SFXN5: variants seen among roughly 807,000 people sequenced by gnomAD.
SFXN5 encodes the protein sideroflexin 5.
In SFXN5, 43 loss-of-function variants were observed where a neutral mutation model predicts 50.2. The ratio of observed to expected loss-of-function variants is 0.86; its 90% CI spans 0.67 to 1.11. The LOEUF (loss-of-function observed/expected upper bound fraction) is 1.11. Among genes scored for constraint, SFXN5 ranks in the 50% least tolerant of loss-of-function variants. The pLI, the probability that SFXN5 is intolerant of heterozygous loss-of-function variation, is 0.00. For missense variants in SFXN5, 463 were observed against 454.1 expected (o/e 1.02, Z -0.18); for synonymous variants, 203 against 185.8 (o/e 1.09, Z -0.75).
intron 2 of SFXN5, among the ~76,000 whole-genome samples, chr2:73,047,415 A>G (rs1680650227): frequency 6.7e-6 from 1 of 148,966 alleles, no homozygotes; most frequent in African/African-American, 2.5e-5. Context: ...ATACATATAA[A>G]ATCTTGGTAC....
In SFXN5 at chr2:73,042,268, T is replaced by C. The variant is rs1048135143; in HGVS notation, c.172-1337A>G. On this transcript the variant is annotated intron_variant, in intron 2 of 13. Coordinates refer to ENST00000272433, the MANE Select transcript of SFXN5 (RefSeq NM_144579.3). ...AAACTGCAAATAATTCATTGTAGAA[T>C]GGATAAGTAAACAGCAATATATGCA... Among the ~76,000 whole-genome samples the C allele has an allele frequency of 4.6e-5, 7 of 152,248 alleles. No homozygotes were observed. The South Asian group carries it at 1.0e-3, about 23-fold the overall frequency.
chr2:73,054,968 CCTT>C (rs1340506996), intron 2 of SFXN5, among the ~76,000 whole-genome samples: 1 of 152,228 alleles, frequency 6.6e-6, no homozygotes, highest in Non-Finnish European at 1.5e-5. Context: ...TGCCCTTTGT[CCTT>C]CTGAGATGCA....
chr2:73,026,124 T>A (rs1677511864), intron 3 of SFXN5, among the ~76,000 whole-genome samples: 1 of 138,374 alleles, frequency 7.2e-6, no homozygotes, highest in Non-Finnish European at 1.5e-5. Flanking sequence ...GCTGTGTGGC[T>A]GCTTTTTTTT....
chr2:73,017,760 T>C (rs1286577905), intron 6 of SFXN5, among the ~76,000 whole-genome samples: 6 of 152,206 alleles, frequency 3.9e-5, no homozygotes, highest in African/African-American at 1.4e-4. Flanking sequence ...TTTTTACAAG[T>C]TGTATCTCCT....
chr2:73,047,219 TAAAAAAAAAAAAAAAA>T (rs748772614), intron 2 of SFXN5, among the ~76,000 whole-genome samples: 2 of 27,522 alleles, frequency 7.3e-5, no homozygotes, highest in East Asian at 2.4e-3. Flanking sequence ...CTCCATCTCG[TAAAAAAAAAAAAAAAA>T]AAAAAAAAAA....
chr2:72,973,943 C>A lies in SFXN5; in HGVS notation c.626-2258G>T, dbSNP rs552525190. Among the ~76,000 whole-genome samples the A allele has an allele frequency of 1.3e-5, 2 of 152,196 alleles. No homozygotes were observed. The highest frequency in any genetic ancestry group is 4.8e-5 in the African/African-American group (2 of 41,448). ...CCCTCTGATGACGCTGTCCACCATA[C>A]CACCACCACCGCCACTCCCAGAAAG... On this transcript the variant is annotated intron_variant, in intron 10 of 13. Coordinates refer to ENST00000272433, the MANE Select transcript of SFXN5 (RefSeq NM_144579.3). The surrounding 1 kb of genome is among the most constrained non-coding windows in gnomAD (Gnocchi z 5.5).
intron 1 of SFXN5, among the ~76,000 whole-genome samples, chr2:73,068,633 T>C (rs1270305178): frequency 7.2e-5 from 11 of 151,958 alleles, no homozygotes; most frequent in Admixed American, 7.2e-4. Flanking sequence ...TTCATGTATA[T>C]AACAAATCTT....
intron 2 of SFXN5, among the ~76,000 whole-genome samples, chr2:73,048,379 C>T (rs1403561692): frequency 6.6e-6 from 1 of 152,142 alleles, no homozygotes; most frequent in Non-Finnish European, 1.5e-5. Context: ...CCACACCCAG[C>T]TAATTTTTGT....
chr2:72,959,821 G>A (rs1205861673), intron 13 of SFXN5, among the ~76,000 whole-genome samples: 3 of 152,082 alleles, frequency 2.0e-5, no homozygotes, highest in African/African-American at 7.2e-5. Context: ...TTAAAACAAG[G>A]ACAAATACAT....
At chr2:73,052,527 T>C (rs1681502188) in intron 2 of SFXN5, among the ~76,000 whole-genome samples, 1 of 152,172 alleles carries the variant, frequency 6.6e-6, no homozygotes, top group Admixed American at 6.5e-5. Flanking sequence ...TTATTTATTC[T>C]ATCCTATAAT....
At chr2:72,980,330 G>A (rs7593530) in intron 10 of SFXN5, among the ~76,000 whole-genome samples, 8,202 of 152,124 alleles carry the variant, frequency 0.054, 708 homozygotes, top group African/African-American at 0.18. Context: ...ATACATGTAG[G>A]CATATTACCA....
intron 3 of SFXN5, among the ~76,000 whole-genome samples, chr2:73,034,207 C>G (rs1678676864): frequency 6.6e-6 from 1 of 152,190 alleles, no homozygotes; most frequent in Non-Finnish European, 1.5e-5. Flanking sequence ...GATCACTTGC[C>G]TGTTCTGTGC....
At chr2:73,052,770 C>T (rs1259645162) in intron 2 of SFXN5, among the ~76,000 whole-genome samples, 2 of 152,190 alleles carry the variant, frequency 1.3e-5, no homozygotes, top group Admixed American at 6.5e-5. Context: ...CCCTGGCCTA[C>T]AGAGAAGGCC....
intron 3 of SFXN5, among the ~76,000 whole-genome samples, chr2:73,035,629 A>G (rs1316654702): frequency 6.6e-6 from 1 of 150,642 alleles, no homozygotes; most frequent in Non-Finnish European, 1.5e-5. Flanking sequence ...CCTCCTGAGT[A>G]GCTGGGACTA....
Position 73,048,680 on chromosome 2 carries a change from G to A in SFXN5, c.172-7749C>T, listed in dbSNP as rs1048296394. 2.6e-5 allele frequency among the ~76,000 whole-genome samples: 4 copies of A among 152,220 alleles called. No individual in the cohort carries two copies. In the East Asian group the frequency reaches 7.7e-4, roughly 29 times the overall value. ...TCACATCAGGAAGCACACAACGTCAGTTTCTTTTCAATTGTTAGGGATGCT... is the reference window on the plus strand; with the variant it reads ...TCACATCAGGAAGCACACAACGTCAATTTCTTTTCAATTGTTAGGGATGCT... On this transcript the variant is annotated intron_variant, in intron 2 of 13. Transcript: ENST00000272433.
At chr2:73,064,562 A>G (rs1041629417) in intron 1 of SFXN5, among the ~76,000 whole-genome samples, 14 of 152,224 alleles carry the variant, frequency 9.2e-5, no homozygotes, top group Non-Finnish European at 1.9e-4. Flanking sequence ...TTAGAACTTT[A>G]TTTCAAGCAA....
At chr2:72,996,102 C>T (rs1237936600) in intron 9 of SFXN5, among the ~76,000 whole-genome samples, 2 of 152,198 alleles carry the variant, frequency 1.3e-5, no homozygotes, top group Non-Finnish European at 2.9e-5. Context: ...GGATGAGGCT[C>T]AGACTGCAGA....
At chr2:72,990,272 C>T (rs1317704054) in intron 9 of SFXN5, among the ~76,000 whole-genome samples, 3 of 152,170 alleles carry the variant, frequency 2.0e-5, no homozygotes, top group Non-Finnish European at 4.4e-5. Context: ...CCTCCCAGCT[C>T]GCTCGAGGGA....
intron 10 of SFXN5, among the ~76,000 whole-genome samples, chr2:72,977,355 T>C (rs1229340771): frequency 6.6e-6 from 1 of 152,182 alleles, no homozygotes; most frequent in African/African-American, 2.4e-5. Flanking sequence ...ATACGATGTA[T>C]AAGAGCTTTA....
Sources: allele counts gnomAD v4.1 joint callset (sites outside exome capture counted in the v4.1 genomes callset), GRCh38; gene constraint gnomAD v4.1.1; non-coding constraint Gnocchi (gnomAD v3.1); transcripts MANE v1.5; gene names NCBI Gene and HGNC (gene_info 2026-07-23, HGNC 2026-07-21).